The following CALCR variants were observed in gnomAD, a reference collection of about 807,000 sequenced individuals.
The protein encoded by CALCR is calcitonin receptor.
Under a neutral mutation model 59.5 loss-of-function variants are expected in CALCR, and 47 were observed. The observed-to-expected ratio is 0.79, with a 90% CI of 0.63 to 1.01. The LOEUF is 1.01. Ranked by LOEUF, CALCR falls within the 50% of genes least tolerant of loss-of-function variation. The pLI is 0.00. For synonymous variants in CALCR, 213 were observed against 211.3 expected (o/e 1.01, Z -0.07); for missense variants, 566 against 597.1 (o/e 0.95, Z 0.54).
rs16868394 is a variant in CALCR at position 93,435,880 on chromosome 7, T to C, written c.1149+72A>G. ...TAAGTAAAATAATAATAAAAGATCA[T>C]GGGCTTTAGAGTTAAAATCAGCTAG... On this transcript the variant is annotated intron_variant, in intron 12 of 13. Coordinates refer to ENST00000426151, the MANE Select transcript of CALCR (RefSeq NM_001742.4). The C allele has an allele frequency of 0.13, 77,925 of 596,124 alleles. 7,781 individuals carry two copies. Among genetic ancestry groups the C allele is most frequent in the East Asian group, 0.46 (16,575 of 35,784 alleles). 36.9% of individuals were successfully genotyped at this position (596,124 alleles called of 1,614,324 possible).
At chr7:93,502,776 GTGTACTAGAATATTTAATTA>G (rs1405724239) in intron 2 of CALCR, among the ~76,000 whole-genome samples, 8 of 152,100 alleles carry the variant, frequency 5.3e-5, no homozygotes, top group African/African-American at 1.9e-4. Context: ...ATTAAAAATT[GTGTACTAGAATATTTAATTA>G]TCTAGATAGA....
At chr7:93,517,561 A>G (rs1344071225) in intron 2 of CALCR, among the ~76,000 whole-genome samples, 2 of 151,926 alleles carry the variant, frequency 1.3e-5, no homozygotes, top group Non-Finnish European at 2.9e-5. Flanking sequence ...CTTGAAGACT[A>G]CATAACTGAA....
At chr7:93,501,223 G>A (rs932013291) in intron 2 of CALCR, among the ~76,000 whole-genome samples, 2 of 152,016 alleles carry the variant, frequency 1.3e-5, no homozygotes, top group African/African-American at 2.4e-5. Flanking sequence ...TATCTAAAAT[G>A]ATGATGTTAA....
chr7:93,477,669 C>T lies in CALCR; in HGVS notation c.206-1G>A. On this transcript the variant is annotated splice_acceptor_variant, in intron 4 of 13. Coordinates refer to ENST00000426151, the MANE Select transcript of CALCR (RefSeq NM_001742.4). LOFTEE classifies it high-confidence loss of function. ...TCCCAGGTGCGATTGCAATATGGACCTGGCCATTTAGAAGGAAATTGATAT... is the reference window on the plus strand; with the variant it reads ...TCCCAGGTGCGATTGCAATATGGACTTGGCCATTTAGAAGGAAATTGATAT... The T allele has an allele frequency of 1.3e-6, 2 of 1,591,928 alleles. No homozygotes were observed. Among genetic ancestry groups the T allele is most frequent in the Non-Finnish European group, 1.7e-6 (2 of 1,161,242 alleles).
intron 3 of CALCR, among the ~76,000 whole-genome samples, chr7:93,481,043 C>T (rs1374936436): frequency 6.6e-6 from 1 of 151,794 alleles, no homozygotes; most frequent in African/African-American, 2.4e-5. Flanking sequence ...TTAGCAACCT[C>T]TCACTAGATC....
intron 2 of CALCR, among the ~76,000 whole-genome samples, chr7:93,550,317 C>T (rs1789413108): frequency 6.6e-6 from 1 of 151,374 alleles, no homozygotes; most frequent in African/African-American, 2.4e-5. Flanking sequence ...TGGTGAAATC[C>T]CGTCTCTGCT....
intron 4 of CALCR, among the ~76,000 whole-genome samples, chr7:93,478,338 G>A (rs1333868917): frequency 6.6e-6 from 1 of 151,818 alleles, no homozygotes; most frequent in Non-Finnish European, 1.5e-5. Context: ...CTATTTGAAA[G>A]CAAAGAATGT....
At chr7:93,554,571 C>T (rs905023051) in intron 2 of CALCR, among the ~76,000 whole-genome samples, 1 of 151,716 alleles carries the variant, frequency 6.6e-6, no homozygotes, top group Non-Finnish European at 1.5e-5. Flanking sequence ...CTACGGGAGG[C>T]AGGGATGAGA....
intron 2 of CALCR, among the ~76,000 whole-genome samples, chr7:93,496,847 G>A (rs568166673): frequency 6.6e-6 from 1 of 151,736 alleles, no homozygotes; most frequent in Admixed American, 6.6e-5. Context: ...AAGTGAATAA[G>A]CAAATGAATT....
intron 7 of CALCR, among the ~76,000 whole-genome samples, chr7:93,467,605 A>G (rs1006190548): frequency 1.3e-5 from 2 of 151,692 alleles, no homozygotes; most frequent in African/African-American, 2.4e-5. Context: ...ATAATGTACC[A>G]TCTTTACCAT....
At position 93,454,949 on chromosome 7, in the gene CALCR, T is replaced by C. The variant is rs1247832845; in HGVS notation, c.648+5872A>G. ...GTGTGTGTGTGTGTGTGTGTGTGTG[T>C]GTGTGTGTTTTCCTTACCCTCAACA... On this transcript the variant is annotated intron_variant, in intron 8 of 13. Transcript: ENST00000426151. Among the ~76,000 whole-genome samples, 6 of 151,906 alleles carry C rather than the reference T, an allele frequency of 3.9e-5. No individual in the cohort carries two copies. In the East Asian group the frequency reaches 1.2e-3, roughly 30 times the overall value.
At chr7:93,510,426 C>T (rs1452353383) in intron 2 of CALCR, among the ~76,000 whole-genome samples, 1 of 152,106 alleles carries the variant, frequency 6.6e-6, no homozygotes, top group East Asian at 1.9e-4. Flanking sequence ...TCTGGTGGGC[C>T]AGGGAGGCAC....
In CALCR at chr7:93,426,329, G is replaced by T; in HGVS notation, c.*27C>A. On this transcript the variant is annotated 3_prime_UTR_variant, in exon 14 of 14. Coordinates refer to ENST00000426151, the MANE Select transcript of CALCR (RefSeq NM_001742.4). ...TTCTCCCAGGAAATGATGGCTCAGT[G>T]ATCACGATGCTGTGTTTGCTTCACA... The T allele has an allele frequency of 1.6e-6, 2 of 1,280,000 alleles. No individual in the cohort carries two copies. Among genetic ancestry groups the T allele is most frequent in the Non-Finnish European group, 2.3e-6 (2 of 876,446 alleles). 79.3% of individuals were successfully genotyped at this position (1,280,000 alleles called of 1,614,324 possible).
chr7:93,461,115 C>T (rs1800327037), intron 7 of CALCR, among the ~76,000 whole-genome samples, 168 bp from the exon 8 acceptor site: 1 of 152,068 alleles, frequency 6.6e-6, no homozygotes, highest in Non-Finnish European at 1.5e-5. Flanking sequence ...ACTTTTCTGC[C>T]TGATTTTAAA....
intron 11 of CALCR, among the ~76,000 whole-genome samples, chr7:93,436,424 A>G (rs1411546377): frequency 6.6e-6 from 1 of 151,746 alleles, no homozygotes; most frequent in East Asian, 1.9e-4. Context: ...TGGTATGAAC[A>G]CTCTTTTTAA....
intron 3 of CALCR, among the ~76,000 whole-genome samples, chr7:93,481,213 A>G (rs913371659): frequency 6.6e-6 from 1 of 151,938 alleles, no homozygotes; most frequent in Non-Finnish European, 1.5e-5. Context: ...GGTATATAAC[A>G]TAATATATAT....
Position 93,479,465 on chromosome 7 carries a change from G to A in CALCR, c.94C>T (p.Pro32Ser), listed in dbSNP as rs1049841885. Residue 32 changes from proline to serine, a missense_variant, in exon 4 of 14, where the codon CCA becomes TCA. Physicochemically the swap from Pro to Ser is moderately conservative, Grantham distance 74. Coordinates refer to ENST00000426151, the MANE Select transcript of CALCR (RefSeq NM_001742.4). The part of the protein sequence containing the change: ...ILPAFSNQTY[P>S]TIEPKPFLYV... ...AGAAATGGCTTGGGCTCTATTGTTG[G>A]ATAGGTTTGATTTGAAAAGGCAGGA... 6.2e-7 allele frequency: 1 copy of A among 1,612,388 alleles called. No homozygotes were observed. Among genetic ancestry groups the A allele is most frequent in the African/African-American group, 1.3e-5 (1 of 74,746 alleles).
At chr7:93,428,803 A>C (rs976160314) in intron 13 of CALCR, among the ~76,000 whole-genome samples, 1 of 151,968 alleles carries the variant, frequency 6.6e-6, no homozygotes, top group Non-Finnish European at 1.5e-5. Context: ...AAAAAAAAAA[A>C]AAGGAAGCTG....
At chr7:93,489,449 C>A (rs1801024797) in intron 2 of CALCR, among the ~76,000 whole-genome samples, 1 of 151,256 alleles carries the variant, frequency 6.6e-6, no homozygotes, top group African/African-American at 2.4e-5. Context: ...ACCCAAAAAA[C>A]CCTCCAAAAA....
Sources: allele counts gnomAD v4.1 joint callset (sites outside exome capture counted in the v4.1 genomes callset), GRCh38; gene constraint gnomAD v4.1.1; transcripts MANE v1.5; gene names NCBI Gene and HGNC (gene_info 2026-07-23, HGNC 2026-07-21).